The following TAFA1 variants were observed in gnomAD, a reference collection of about 807,000 sequenced individuals.
TAFA1 encodes TAFA chemokine like family member 1.
Under a neutral mutation model 18.5 loss-of-function variants are expected in TAFA1, and 4 were observed. The ratio of observed to expected loss-of-function variants is 0.22; its 90% CI spans 0.11 to 0.49. The LOEUF (loss-of-function observed/expected upper bound fraction) is 0.49. Among genes scored for constraint, TAFA1 ranks in the 20% least tolerant of loss-of-function variants. TAFA1 has a pLI of 0.98. For synonymous variants in TAFA1, 56 were observed against 55.2 expected (o/e 1.01, Z -0.06); for missense variants, 147 against 169.0 (o/e 0.87, Z 0.72).
chr3:68,230,803 T>C (rs1478745519), intron 2 of TAFA1, among the ~76,000 whole-genome samples: 1 of 152,220 alleles, frequency 6.6e-6, no homozygotes, highest in East Asian at 1.9e-4. Context: ...GTCTTTTTGA[T>C]AAAAGCCAAC....
intron 2 of TAFA1, among the ~76,000 whole-genome samples, chr3:68,409,080 T>C (rs1360272213): frequency 6.6e-6 from 1 of 152,152 alleles, no homozygotes; most frequent in South Asian, 2.1e-4. Flanking sequence ...CAGTAGAATA[T>C]AACTCACAGT....
At chr3:68,091,356 G>A (rs1368421847) in intron 2 of TAFA1, among the ~76,000 whole-genome samples, 1 of 152,094 alleles carries the variant, frequency 6.6e-6, no homozygotes, top group Non-Finnish European at 1.5e-5. Context: ...CCATTGAAAA[G>A]TTTGGCTTTT....
At chr3:68,135,411 G>C (rs2106890543) in intron 2 of TAFA1, among the ~76,000 whole-genome samples, 1 of 152,314 alleles carries the variant, frequency 6.6e-6, no homozygotes, top group East Asian at 1.9e-4. Flanking sequence ...CTGAGATCCT[G>C]CATGTGAATT....
intron 2 of TAFA1, among the ~76,000 whole-genome samples, chr3:68,082,224 A>G (rs1245437752): frequency 6.6e-6 from 1 of 152,146 alleles, no homozygotes; most frequent in East Asian, 1.9e-4. Context: ...GGCACTCCCT[A>G]GTGAGATGAA....
intron 2 of TAFA1, among the ~76,000 whole-genome samples, chr3:68,030,180 T>C (rs1359980638): frequency 6.6e-6 from 1 of 152,150 alleles, no homozygotes; most frequent in Non-Finnish European, 1.5e-5. Flanking sequence ...TGGCAAACAG[T>C]AATATCACAA....
intron 2 of TAFA1, among the ~76,000 whole-genome samples, chr3:68,189,883 T>C (rs1286730989): frequency 6.6e-6 from 1 of 151,898 alleles, no homozygotes; most frequent in Non-Finnish European, 1.5e-5. Flanking sequence ...TCACCATTGA[T>C]ATTATTAGTC....
chr3:68,296,848 C>T (rs1407112583), intron 2 of TAFA1, among the ~76,000 whole-genome samples: 1 of 152,090 alleles, frequency 6.6e-6, no homozygotes, highest in Non-Finnish European at 1.5e-5. Context: ...CATCAAATAA[C>T]CTAATGGAAA....
chr3:68,081,683 G>T (rs2064902504), intron 2 of TAFA1, among the ~76,000 whole-genome samples: 1 of 152,280 alleles, frequency 6.6e-6, no homozygotes, highest in East Asian at 1.9e-4. Context: ...CAGATCTCCA[G>T]CTGCGTGCTG....
chr3:68,066,001 G>A (rs1184745690), intron 2 of TAFA1, among the ~76,000 whole-genome samples: 1 of 151,974 alleles, frequency 6.6e-6, no homozygotes, highest in African/African-American at 2.4e-5. Context: ...CATACTGTAT[G>A]GTTTCACTTA....
At chr3:68,344,269 ACTT>A (rs1370461000) in intron 2 of TAFA1, among the ~76,000 whole-genome samples, 9 of 152,222 alleles carry the variant, frequency 5.9e-5, no homozygotes, top group African/African-American at 1.9e-4. Flanking sequence ...TGTTTGAACT[ACTT>A]AATAAATGGA....
Position 68,182,617 on chromosome 3 carries a change from C to G in TAFA1, c.118+175873C>G, listed in dbSNP as rs141460664. ...ACATTAACATGAACAACATCCAACACCCCTTTAAAGTACTTAATGCACAAC... is the reference window on the plus strand; with the variant it reads ...ACATTAACATGAACAACATCCAACAGCCCTTTAAAGTACTTAATGCACAAC... On this transcript the variant is annotated intron_variant, in intron 2 of 4. Transcript: ENST00000478136. Among the ~76,000 whole-genome samples, 1,249 of 152,242 alleles carry G rather than the reference C, an allele frequency of 8.2e-3. 19 individuals are homozygous for G. Among genetic ancestry groups the G allele is most frequent in the African/African-American group, 0.028 (1,174 of 41,548 alleles).
chr3:68,506,076 TCC>T (rs1342838064), intron 3 of TAFA1, among the ~76,000 whole-genome samples: 1 of 151,804 alleles, frequency 6.6e-6, no homozygotes, highest in African/African-American at 2.4e-5. Context: ...TGCATGATGT[TCC>T]CCCCTCTGTG....
At chr3:68,428,242 C>T (rs2071096913) in intron 3 of TAFA1, among the ~76,000 whole-genome samples, 1 of 151,850 alleles carries the variant, frequency 6.6e-6, no homozygotes, top group Admixed American at 6.6e-5. Flanking sequence ...TAAAGGCCAT[C>T]TGTGACTAGT....
chr3:68,448,210 T>G (rs1049232185), intron 3 of TAFA1, among the ~76,000 whole-genome samples: 6 of 152,202 alleles, frequency 3.9e-5, no homozygotes, highest in African/African-American at 1.4e-4. Context: ...AACAGTGTTA[T>G]AAGGTCCACA....
At chr3:68,175,333 C>T (rs778707961) in intron 2 of TAFA1, among the ~76,000 whole-genome samples, 1 of 152,206 alleles carries the variant, frequency 6.6e-6, no homozygotes, top group Non-Finnish European at 1.5e-5. Context: ...GGTAGATCCA[C>T]TGACAGCTTG....
intron 2 of TAFA1, among the ~76,000 whole-genome samples, chr3:68,154,287 C>T (rs2065840140): frequency 6.6e-6 from 1 of 152,128 alleles, no homozygotes; most frequent in African/African-American, 2.4e-5. Context: ...GTCTACATCA[C>T]TTTTTCCCAT....
chr3:68,343,195 C>T (rs2069112300), intron 2 of TAFA1, among the ~76,000 whole-genome samples: 1 of 152,080 alleles, frequency 6.6e-6, no homozygotes, highest in Admixed American at 6.5e-5. Flanking sequence ...TAATGTATCC[C>T]AAATAAATAA....
At chr3:68,540,330 G>T (rs918862900) in intron 4 of TAFA1, among the ~76,000 whole-genome samples, 1 of 151,982 alleles carries the variant, frequency 6.6e-6, no homozygotes, top group Non-Finnish European at 1.5e-5. Flanking sequence ...GCTTAATGTG[G>T]ATTATCCTGT....
intron 3 of TAFA1, among the ~76,000 whole-genome samples, chr3:68,451,627 GA>G (rs572258295): frequency 1.4e-4 from 21 of 151,758 alleles, no homozygotes; most frequent in Non-Finnish European, 2.1e-4. Context: ...TGATTTTGGG[GA>G]AAAAAAAGTA....
Sources: gnomAD v4.1 joint callset for allele counts (sites outside exome capture counted in the v4.1 genomes callset) on GRCh38, gnomAD v4.1.1 for gene constraint, MANE v1.5 for transcripts, NCBI Gene and HGNC (gene_info 2026-07-23, HGNC 2026-07-21) for gene names.